The following KIF25 variants were observed in gnomAD, a reference collection of about 807,000 sequenced individuals.
The protein encoded by KIF25 is kinesin-like protein KIF25.
In KIF25, 19 loss-of-function variants were observed where a neutral mutation model predicts 32.9. That is an observed-to-expected ratio of 0.58 (90% CI 0.40 to 0.85). The LOEUF (loss-of-function observed/expected upper bound fraction) is 0.85. Ranked by LOEUF, KIF25 falls within the 40% of genes least tolerant of loss-of-function variation. KIF25 has a pLI of 0.00. For missense variants in KIF25, 485 were observed against 507.0 expected (o/e 0.96, Z 0.42); for synonymous variants, 225 against 213.7 (o/e 1.05, Z -0.46).
chr6:168,035,857 G>A, intron 8 of KIF25: 1 of 440,242 alleles, frequency 2.3e-6, no homozygotes, highest in Non-Finnish European at 4.7e-6. Context: ...TTCGTCGTTT[G>A]CAGAAACGAG....
chr6:168,038,431 CTCTGCTCGGACCCCAGCAG>C (rs1799061541), intron 8 of KIF25, 103 bp from the exon 9 acceptor site: 14 of 925,322 alleles, frequency 1.5e-5, no homozygotes, highest in Non-Finnish European at 2.4e-5. Flanking sequence ...ACATGCAGCC[CTCTGCTCGGACCCCAGCAG>C]TCTTACTGAG....
At chr6:168,007,794 A>C (rs1256147306) in intron 4 of KIF25, among the ~76,000 whole-genome samples, 6 of 152,124 alleles carry the variant, frequency 3.9e-5, no homozygotes, top group Non-Finnish European at 7.4e-5. Flanking sequence ...TAGCCACAGG[A>C]ATTTAGGAAG....
At position 167,998,618 on chromosome 6, in the gene KIF25, A is replaced by T. The variant is rs1183857740; in HGVS notation, c.-851A>T. The stretch of plus-strand genomic sequence containing the variant: ...AATCAAGGAAATATGACAGATACTG[A>T]ATTTCCAAAATCCCCTCTAAAATGC... On this transcript the variant is annotated 5_prime_UTR_variant, in exon 1 of 13. Coordinates refer to ENST00000643607, the MANE Select transcript of KIF25 (RefSeq NM_030615.4). 1.3e-5 allele frequency: 2 copies of T among 152,216 alleles called. No individual in the cohort carries two copies. Among genetic ancestry groups the T allele is most frequent in the Non-Finnish European group, 2.9e-5 (2 of 68,040 alleles). The allele number at this position is 152,216 out of a possible 1,614,324, so 9.4% of individuals were successfully genotyped here.
chr6:168,005,044 G>C (rs1255300446), intron 4 of KIF25, among the ~76,000 whole-genome samples: 3 of 152,214 alleles, frequency 2.0e-5, no homozygotes, highest in Non-Finnish European at 4.4e-5. Flanking sequence ...AGTAGAATGA[G>C]ACGTGTCAGC....
In KIF25 at chr6:168,040,167, C is replaced by A; in HGVS notation, c.597C>A (p.His199Gln). ...TLVHADSSRS[H>Q]LIITVTLTTA... ...TGCACGCGGATTCCTCCAGGTCTCA[C>A]CTGATAATTACGGTGACTCTAACCA... Residue 199 changes from histidine (H) to glutamine (Q), a missense_variant, in exon 10 of 13, where the codon CAC becomes CAA. By Grantham distance (24) the His-to-Gln change is conservative (BLOSUM62 0). Coordinates refer to ENST00000643607, the MANE Select transcript of KIF25 (RefSeq NM_030615.4). The A allele has an allele frequency of 6.2e-7, 1 of 1,614,036 alleles. No homozygotes were observed. Among genetic ancestry groups the A allele is most frequent in the Non-Finnish European group, 8.5e-7 (1 of 1,180,000 alleles).
At chr6:168,016,429 C>T (rs1285886324) in intron 4 of KIF25, among the ~76,000 whole-genome samples, 2 of 152,242 alleles carry the variant, frequency 1.3e-5, no homozygotes, top group East Asian at 1.9e-4. Flanking sequence ...ATGGAGACCA[C>T]GGACCGCCCC....
intron 4 of KIF25, among the ~76,000 whole-genome samples, chr6:168,006,876 C>T (rs1237792604): frequency 6.6e-6 from 1 of 152,054 alleles, no homozygotes; most frequent in African/African-American, 2.4e-5. Flanking sequence ...GGACTGATAG[C>T]CTTATACTTT....
At chr6:168,042,400 G>C (rs1799137876) in intron 11 of KIF25, among the ~76,000 whole-genome samples, 161 bp from the exon 12 acceptor site, 1 of 152,186 alleles carries the variant, frequency 6.6e-6, no homozygotes, top group African/African-American at 2.4e-5. Flanking sequence ...AGCTCGCTTT[G>C]AGCTGTGAGC....
chr6:168,030,464 C>G (rs935875899), intron 6 of KIF25: 1 of 138,654 alleles, frequency 7.2e-6, no homozygotes, highest in African/African-American at 2.7e-5. Context: ...CTCATCTTCC[C>G]TCCCCTCTCC....
At chr6:168,005,893 A>G (rs1798573248) in intron 4 of KIF25, among the ~76,000 whole-genome samples, 1 of 152,150 alleles carries the variant, frequency 6.6e-6, no homozygotes, top group African/African-American at 2.4e-5. Context: ...CAAGATCAAT[A>G]CTTTGTATCC....
intron 5 of KIF25, among the ~76,000 whole-genome samples, chr6:168,023,911 A>G (rs75393108): frequency 0.01 from 1,582 of 152,326 alleles, 37 homozygotes; most frequent in African/African-American, 0.036. Flanking sequence ...GAATCTGTAT[A>G]GTCTCATGCA....
intron 5 of KIF25, among the ~76,000 whole-genome samples, chr6:168,026,578 T>TA (rs528399477): frequency 1.7e-3 from 257 of 152,176 alleles, no homozygotes; most frequent in Non-Finnish European, 2.8e-3. Context: ...ATTTCCATTC[T>TA]AAAAAAAATT....
At position 168,012,265 on chromosome 6, in the gene KIF25, G is replaced by T. The variant is rs575611859; in HGVS notation, c.-162-5708G>T. ...CATATTTCCCTGCTTTTTCATGGTTGCTGTGTCCCTAACATTGACTCCTAT... is the reference window on the plus strand; with the variant it reads ...CATATTTCCCTGCTTTTTCATGGTTTCTGTGTCCCTAACATTGACTCCTAT... On this transcript the variant is annotated intron_variant, in intron 4 of 12. Coordinates refer to ENST00000643607, the MANE Select transcript of KIF25 (RefSeq NM_030615.4). Among the ~76,000 whole-genome samples, 5 of 152,252 alleles carry T rather than the reference G, an allele frequency of 3.3e-5. No individual in the cohort carries two copies. In the East Asian group the frequency reaches 7.7e-4, roughly 23 times the overall value.
At chr6:167,999,503 CTCTGTAA>C (rs1218773950) in intron 2 of KIF25, among the ~76,000 whole-genome samples, 183 bp downstream of exon 2, 1 of 152,250 alleles carries the variant, frequency 6.6e-6, no homozygotes, top group Non-Finnish European at 1.5e-5. Flanking sequence ...CTCTGCAGCC[CTCTGTAA>C]TACGGCCTGC....
In KIF25 at chr6:168,009,162, A is replaced by G. The variant is rs374306891; in HGVS notation, c.-163+5459A>G. Among the ~76,000 whole-genome samples, 11 of 152,178 alleles carry G rather than the reference A, an allele frequency of 7.2e-5. No individual in the cohort carries two copies. The South Asian group carries it at 2.3e-3, about 32-fold the overall frequency. ...CATCCTTGTCTTATTCCAGTCCTTA[A>G]AGAAAAAGCTGAAAGATGTTAGGAT... is the stretch of plus-strand genomic sequence containing the variant. On this transcript the variant is annotated intron_variant, in intron 4 of 12. Transcript: ENST00000643607.
intron 5 of KIF25, among the ~76,000 whole-genome samples, chr6:168,022,308 A>C (rs539282968): frequency 2.4e-4 from 37 of 152,214 alleles, no homozygotes; most frequent in Middle Eastern, 6.8e-3. Context: ...CTTCCATTTA[A>C]CCCATCTGTT....
intron 8 of KIF25, among the ~76,000 whole-genome samples, chr6:168,036,391 G>C (rs2114907776): frequency 6.6e-6 from 1 of 152,340 alleles, no homozygotes; most frequent in South Asian, 2.1e-4. Context: ...AGATGGCAGA[G>C]ACAAAGCCTG....
chr6:168,025,451 G>A (rs1289998385), intron 5 of KIF25, among the ~76,000 whole-genome samples: 2 of 152,082 alleles, frequency 1.3e-5, no homozygotes, highest in East Asian at 1.9e-4. Context: ...CCCAATAAAT[G>A]AGCATTTCAT....
Position 168,034,039 on chromosome 6 carries a change from C to T in KIF25, c.317+8C>T, listed in dbSNP as rs376090659. 55 of 1,613,714 alleles carry T rather than the reference C, an allele frequency of 3.4e-5. No homozygotes were observed. Among genetic ancestry groups the T allele is most frequent in the African/African-American group, 5.3e-5 (4 of 74,878 alleles). ...GGCTGAGGAGCTCTTCAGGTACTGC[C>T]GATGGTGATGAGTGGGGCAGAGAAA... On this transcript the variant is annotated splice_region_variant and intron_variant, in intron 8 of 12. Transcript: ENST00000643607.
Sources: allele counts gnomAD v4.1 joint callset (sites outside exome capture counted in the v4.1 genomes callset), GRCh38; gene constraint gnomAD v4.1.1; transcripts MANE v1.5; gene names NCBI Gene and HGNC (gene_info 2026-07-23, HGNC 2026-07-21).